The following TMTC2 variants were observed in gnomAD, a reference collection of about 807,000 sequenced individuals.
TMTC2 encodes the protein transmembrane O-mannosyltransferase targeting cadherins 2.
In TMTC2, 43 loss-of-function variants were observed where a neutral mutation model predicts 82.4. The observed-to-expected ratio is 0.52, with a 90% CI of 0.41 to 0.67. The LOEUF is 0.67. TMTC2 is among the 30% of genes least tolerant of loss of function. The pLI is 0.00. For missense variants in TMTC2, 919 were observed against 1,012.4 expected, an observed-to-expected ratio of 0.91 and a Z score of 1.25; for synonymous variants, 408 against 381.9, an observed-to-expected ratio of 1.07 and a Z score of -0.80.
chr12:82,725,320 G>A (rs1874396992), intron 1 of TMTC2, among the ~76,000 whole-genome samples: 1 of 151,956 alleles, frequency 6.6e-6, no homozygotes, highest in Non-Finnish European at 1.5e-5. Flanking sequence ...TATATTTTCT[G>A]TCAGCTTCTA....
intron 1 of TMTC2, among the ~76,000 whole-genome samples, chr12:82,824,891 T>C (rs887773585): frequency 1.3e-5 from 2 of 151,926 alleles, no homozygotes; most frequent in African/African-American, 2.4e-5. Context: ...GAGTTCGAGA[T>C]GAGCTTGGCC....
chr12:82,965,525 C>T (rs1878154933), intron 5 of TMTC2, 35 bp from the exon 6 acceptor site: 1 of 1,605,910 alleles, frequency 6.2e-7, no homozygotes. Flanking sequence ...TGTATATCAT[C>T]TTCTCACACT....
chr12:82,720,546 A>G (rs1358423117), intron 1 of TMTC2, among the ~76,000 whole-genome samples: 3 of 152,190 alleles, frequency 2.0e-5, no homozygotes, highest in Non-Finnish European at 4.4e-5. Context: ...GCCTTGAACA[A>G]TATTTTACAA....
At chr12:82,907,469 A>G (rs1670709487) in intron 3 of TMTC2, among the ~76,000 whole-genome samples, 1 of 149,730 alleles carries the variant, frequency 6.7e-6, no homozygotes, top group African/African-American at 2.4e-5. Flanking sequence ...TCTCAACTCC[A>G]TCTCAAAAAA....
intron 4 of TMTC2, among the ~76,000 whole-genome samples, chr12:82,949,008 T>C (rs1877193522): frequency 6.6e-6 from 1 of 152,226 alleles, no homozygotes; most frequent in Non-Finnish European, 1.5e-5. Context: ...TTATCTTTTC[T>C]AATCATTAAA....
intron 1 of TMTC2, among the ~76,000 whole-genome samples, chr12:82,766,381 C>T (rs1349690997): frequency 6.6e-6 from 1 of 152,072 alleles, no homozygotes; most frequent in East Asian, 1.9e-4. Context: ...CAACTAAATG[C>T]CCCAAAGAAA....
intron 7 of TMTC2, among the ~76,000 whole-genome samples, chr12:82,976,049 A>G (rs991080516): frequency 6.6e-6 from 1 of 152,188 alleles, no homozygotes; most frequent in Non-Finnish European, 1.5e-5. Flanking sequence ...TGTCCCCAAC[A>G]TACTCGTGAA....
chr12:83,132,416 C>A lies in TMTC2; in HGVS notation c.*27C>A, dbSNP rs1447298190. On this transcript the variant is annotated 3_prime_UTR_variant, in exon 12 of 12. Transcript: ENST00000321196. ...ACAGGAGGCAGAAGCCCATCCTCCT[C>A]CATTTTTAAAAGCTGGCTTCCTTAG... is the stretch of plus-strand genomic sequence containing the variant. 5 of 1,609,056 alleles carry A rather than the reference C, an allele frequency of 3.1e-6. No homozygotes were observed. In the African/African-American group the frequency reaches 6.7e-5, roughly 22 times the overall value.
intron 2 of TMTC2, among the ~76,000 whole-genome samples, chr12:82,861,439 G>A (rs1223453208): frequency 6.6e-6 from 1 of 152,148 alleles, no homozygotes; most frequent in African/African-American, 2.4e-5. Flanking sequence ...AAGAATTTTG[G>A]TTAATCACCA....
intron 1 of TMTC2, among the ~76,000 whole-genome samples, chr12:82,817,023 C>T (rs1475343955): frequency 2.0e-5 from 3 of 149,982 alleles, no homozygotes; most frequent in Non-Finnish European, 3.0e-5. Context: ...GCTGGAGTGC[C>T]GTGGCAGGAT....
intron 1 of TMTC2, among the ~76,000 whole-genome samples, chr12:82,853,409 G>C (rs17010056): frequency 6.6e-6 from 1 of 151,928 alleles, no homozygotes; most frequent in African/African-American, 2.4e-5. Context: ...GGCCTCAAAG[G>C]TTTTTTTCTC....
At chr12:82,846,868 G>A (rs1052906073) in intron 1 of TMTC2, among the ~76,000 whole-genome samples, 5 of 152,184 alleles carry the variant, frequency 3.3e-5, no homozygotes, top group African/African-American at 1.2e-4. Context: ...AATCTAGTAG[G>A]AAGAGATCAA....
chr12:82,763,465 C>G (rs1290350858), intron 1 of TMTC2, among the ~76,000 whole-genome samples: 1 of 152,208 alleles, frequency 6.6e-6, no homozygotes, highest in Non-Finnish European at 1.5e-5. Flanking sequence ...GTGATGCCTA[C>G]AGCCTGACAA....
At chr12:82,880,382 C>T (rs1385475790) in intron 2 of TMTC2, among the ~76,000 whole-genome samples, 1 of 152,044 alleles carries the variant, frequency 6.6e-6, no homozygotes, top group East Asian at 1.9e-4. Flanking sequence ...TTTGACTGGC[C>T]CATGGCATGA....
intron 1 of TMTC2, among the ~76,000 whole-genome samples, chr12:82,694,121 T>G (rs1202784114): frequency 6.6e-6 from 1 of 152,136 alleles, no homozygotes; most frequent in African/African-American, 2.4e-5. Context: ...AACCTGAGAA[T>G]TTTGAAAAAG....
intron 1 of TMTC2, among the ~76,000 whole-genome samples, chr12:82,695,799 CACTTGTCA>C (rs1872760495): frequency 6.6e-6 from 1 of 152,150 alleles, no homozygotes; most frequent in African/African-American, 2.4e-5. Context: ...TTGGGGAGGA[CACTTGTCA>C]TTACAGAACC....
At chr12:83,047,189 C>G (rs1882176270) in intron 9 of TMTC2, among the ~76,000 whole-genome samples, 1 of 152,054 alleles carries the variant, frequency 6.6e-6, no homozygotes, top group Non-Finnish European at 1.5e-5. Context: ...GGGCTAGTGT[C>G]TGGTGGAAGT....
chr12:82,998,525 AT>A (rs1382185793), intron 8 of TMTC2, among the ~76,000 whole-genome samples: 18 of 152,350 alleles, frequency 1.2e-4, no homozygotes, highest in Middle Eastern at 6.8e-3. Flanking sequence ...GACTTTATTA[AT>A]TTGTGATCTT....
chr12:82,692,034 AATAAGT>A (rs1872600554), intron 1 of TMTC2, among the ~76,000 whole-genome samples: 1 of 152,200 alleles, frequency 6.6e-6, no homozygotes, highest in Admixed American at 6.5e-5. Context: ...TGCTGTTTTG[AATAAGT>A]ATATCTCATC....
Sources: allele counts gnomAD v4.1 joint callset (sites outside exome capture counted in the v4.1 genomes callset), GRCh38; gene constraint gnomAD v4.1.1; transcripts MANE v1.5; gene names NCBI Gene and HGNC (gene_info 2026-07-23, HGNC 2026-07-21).